SNTG2: variants seen among roughly 807,000 people sequenced by gnomAD.
SNTG2 encodes syntrophin gamma 2, also known as gamma-2-syntrophin.
In SNTG2, 74 loss-of-function variants were observed where a neutral mutation model predicts 70.9. The observed-to-expected ratio is 1.04, with a 90% CI of 0.86 to 1.27. The LOEUF (loss-of-function observed/expected upper bound fraction) is 1.27, where lower values mean the gene tolerates loss of function less well. Ranked by LOEUF, SNTG2 falls within the 50% of genes most tolerant of loss-of-function variation. The pLI is 0.00. For synonymous variants in SNTG2, 278 were observed against 273.8 expected, an observed-to-expected ratio of 1.02 and a Z score of -0.15; for missense variants, 717 against 690.7, an observed-to-expected ratio of 1.04 and a Z score of -0.43.
chr2:1,053,014 T>C (rs1662163132), intron 1 of SNTG2, among the ~76,000 whole-genome samples: 1 of 152,238 alleles, frequency 6.6e-6, no homozygotes, highest in Non-Finnish European at 1.5e-5. Flanking sequence ...TTTTCTGTTA[T>C]CTTTTTCTGG....
intron 6 of SNTG2, among the ~76,000 whole-genome samples, chr2:1,164,237 GCC>G (rs1670549451): frequency 2.0e-5 from 3 of 150,254 alleles, no homozygotes; most frequent in Non-Finnish European, 4.4e-5. Context: ...GATATGCCTG[GCC>G]TAGGAGGATG....
At chr2:1,294,901 C>G (rs1001071118) in intron 14 of SNTG2, among the ~76,000 whole-genome samples, 1 of 152,206 alleles carries the variant, frequency 6.6e-6, no homozygotes, top group African/African-American at 2.4e-5. Context: ...TAACATAACA[C>G]TCTACAGTTT....
chr2:1,093,877 G>A (rs569421085), intron 2 of SNTG2, among the ~76,000 whole-genome samples: 5 of 122,754 alleles, frequency 4.1e-5, no homozygotes, highest in African/African-American at 1.6e-4. Flanking sequence ...CCAAGGTGCT[G>A]TGGGTTTGGT....
At chr2:1,167,827 G>A (rs1451161713) in intron 7 of SNTG2, among the ~76,000 whole-genome samples, 2 of 125,002 alleles carry the variant, frequency 1.6e-5, no homozygotes, top group Admixed American at 7.6e-5. Flanking sequence ...CCTACAGGCC[G>A]CCCACAGACG....
intron 13 of SNTG2, among the ~76,000 whole-genome samples, chr2:1,263,772 T>TGTGAA (rs1352066029): frequency 6.6e-6 from 1 of 152,246 alleles, no homozygotes; most frequent in Non-Finnish European, 1.5e-5. Flanking sequence ...CACTCTGTCA[T>TGTGAA]GTGAAGTTAT....
intron 1 of SNTG2, among the ~76,000 whole-genome samples, chr2:955,038 C>A (rs140975303): frequency 7.4e-4 from 113 of 152,232 alleles, no homozygotes; most frequent in Admixed American, 1.2e-3. Flanking sequence ...GGATACTGTT[C>A]TAAACATTTG....
chr2:1,182,547 A>G (rs139794953), intron 8 of SNTG2, among the ~76,000 whole-genome samples: 3,421 of 152,258 alleles, frequency 0.022, 58 homozygotes, highest in South Asian at 0.1. Context: ...ATAAATAAAT[A>G]AAGTATTGAG....
intron 8 of SNTG2, among the ~76,000 whole-genome samples, chr2:1,175,462 C>CA (rs1348407196): frequency 2.6e-5 from 4 of 152,198 alleles, no homozygotes; most frequent in South Asian, 2.1e-4. Flanking sequence ...TCCAGTTCTA[C>CA]AAAAAACAGT....
chr2:1,049,889 G>A (rs1661959186), intron 1 of SNTG2, among the ~76,000 whole-genome samples: 1 of 152,180 alleles, frequency 6.6e-6, no homozygotes, highest in Non-Finnish European at 1.5e-5. Flanking sequence ...GTTCTCCAGT[G>A]ACATGTTATT....
At chr2:1,337,138 A>T (rs1659857825) in intron 16 of SNTG2, among the ~76,000 whole-genome samples, 1 of 152,196 alleles carries the variant, frequency 6.6e-6, no homozygotes, top group South Asian at 2.1e-4. Context: ...CTTGTGAATA[A>T]TGCTACTGTG....
At chr2:1,056,354 C>T (rs1431913899) in intron 1 of SNTG2, among the ~76,000 whole-genome samples, 1 of 57,890 alleles carries the variant, frequency 1.7e-5, no homozygotes, top group Non-Finnish European at 3.8e-5. Flanking sequence ...GGGCGGCGCC[C>T]CGCTGTGGGG....
chr2:1,268,943 T>G (rs541933542), intron 14 of SNTG2, among the ~76,000 whole-genome samples: 2 of 152,218 alleles, frequency 1.3e-5, no homozygotes, highest in African/African-American at 4.8e-5. Flanking sequence ...CCAGGGCCCA[T>G]GCCTGGCTGA....
At chr2:1,307,219 T>C (rs2148245559) in intron 14 of SNTG2, among the ~76,000 whole-genome samples, 1 of 147,362 alleles carries the variant, frequency 6.8e-6, no homozygotes, top group Non-Finnish European at 1.5e-5. Flanking sequence ...TCTGTGTCTG[T>C]ATGTCTGTGT....
chr2:1,148,404 C>T (rs1330120253), intron 6 of SNTG2, among the ~76,000 whole-genome samples: 1 of 152,168 alleles, frequency 6.6e-6, no homozygotes, highest in African/African-American at 2.4e-5. Context: ...AGCCCAGGTG[C>T]ATGCTTCACA....
intron 1 of SNTG2, among the ~76,000 whole-genome samples, chr2:1,023,178 T>G (rs1011383832): frequency 6.6e-6 from 1 of 152,008 alleles, no homozygotes; most frequent in Non-Finnish European, 1.5e-5. Context: ...GGCCCGTGTC[T>G]TGAGGAGAGA....
rs1376318747 is a variant in SNTG2 at position 1,094,378 on chromosome 2, T to C, written c.211-3818T>C. 1.4e-3 allele frequency among the ~76,000 whole-genome samples: 80 copies of C among 57,094 alleles called. 9 individuals carry two copies. The highest frequency in any genetic ancestry group is 5.6e-3 in the African/African-American group (56 of 9,948). 37.5% of individuals were successfully genotyped at this position (57,094 alleles called of 152,430 possible). A position where few individuals can be genotyped will look rare whatever the true frequency, so the allele number is the denominator to read the frequency against. Reference sequence around the variant, plus strand: ...ATATGGTAGAGTTACTGGCAAGGGCTGGCTTCCTGGACTGCAGGCGAAGGC... The same window carrying C: ...ATATGGTAGAGTTACTGGCAAGGGCCGGCTTCCTGGACTGCAGGCGAAGGC... On this transcript the variant is annotated intron_variant, in intron 2 of 16. Coordinates refer to ENST00000308624, the MANE Select transcript of SNTG2 (RefSeq NM_018968.4).
intron 8 of SNTG2, among the ~76,000 whole-genome samples, chr2:1,175,562 T>G (rs1037009137): frequency 6.6e-6 from 1 of 152,224 alleles, no homozygotes; most frequent in Non-Finnish European, 1.5e-5. Flanking sequence ...CATATTTATT[T>G]GTGCTATCTT....
At chr2:1,005,730 G>A (rs1196673120) in intron 1 of SNTG2, among the ~76,000 whole-genome samples, 6 of 149,034 alleles carry the variant, frequency 4.0e-5, no homozygotes, top group Non-Finnish European at 8.9e-5. Context: ...CTTGAAGCTG[G>A]GAGGCGGAGG....
intron 14 of SNTG2, 98 bp downstream of exon 14, chr2:1,267,669 A>G: frequency 9.0e-7 from 1 of 1,115,950 alleles, no homozygotes; most frequent in Non-Finnish European, 1.3e-6. Flanking sequence ...GAAAAGAGGA[A>G]TCTTCAGAAG....
Sources: allele counts gnomAD v4.1 joint callset (sites outside exome capture counted in the v4.1 genomes callset), GRCh38; gene constraint gnomAD v4.1.1; transcripts MANE v1.5; gene names NCBI Gene and HGNC (gene_info 2026-07-23, HGNC 2026-07-21).